The following MED27 variants were observed in gnomAD, a reference collection of about 807,000 sequenced individuals.
The protein encoded by MED27 is mediator complex subunit 27.
A neutral mutation model predicts 38.2 loss-of-function variants in MED27; 30 were observed. The ratio of observed to expected loss-of-function variants is 0.79; its 90% CI spans 0.59 to 1.07. MED27 has a LOEUF of 1.07. MED27 is among the 50% of genes least tolerant of loss of function. The pLI, the probability that MED27 is intolerant of heterozygous loss-of-function variation, is 0.00. For missense variants in MED27, 289 were observed against 397.5 expected (o/e 0.73, Z 2.32); for synonymous variants, 122 against 153.5 (o/e 0.79, Z 1.52).
chr9:131,875,055 C>T (rs750251470), intron 6 of MED27, among the ~76,000 whole-genome samples: 35 of 152,182 alleles, frequency 2.3e-4, no homozygotes, highest in East Asian at 1.4e-3. Flanking sequence ...AGGTGCCAGG[C>T]GCCCCAGCCA....
chr9:131,984,533 C>T (rs1300066281), intron 3 of MED27, among the ~76,000 whole-genome samples: 1 of 152,048 alleles, frequency 6.6e-6, no homozygotes, highest in Non-Finnish European at 1.5e-5. Flanking sequence ...CATAATACAC[C>T]CATAAGAGAA....
chr9:131,918,167 G>A (rs535692468), intron 4 of MED27, among the ~76,000 whole-genome samples: 2 of 152,326 alleles, frequency 1.3e-5, no homozygotes, highest in South Asian at 4.1e-4. Flanking sequence ...AAATGCAGTT[G>A]AAATTTGTGG....
intron 3 of MED27, among the ~76,000 whole-genome samples, chr9:131,955,681 G>A (rs1346763255): frequency 1.3e-5 from 2 of 152,178 alleles, no homozygotes; most frequent in Non-Finnish European, 2.9e-5. Flanking sequence ...TAACTGACAT[G>A]AGAAGAAATA....
intron 4 of MED27, among the ~76,000 whole-genome samples, chr9:131,910,164 A>G (rs1181647351): frequency 6.6e-6 from 1 of 152,180 alleles, no homozygotes; most frequent in Non-Finnish European, 1.5e-5. Context: ...GGCTCTAGGC[A>G]CTTCCTTCTC....
In MED27 at chr9:131,996,525, A is replaced by C. The variant is rs575981324; in HGVS notation, c.479+17812T>G. ...GCTCTCCCTCAGGAAGGGAGGCCCC[A>C]CTGGACTCCTGGAGGGGCAGCTCCT... is the stretch of plus-strand genomic sequence containing the variant. On this transcript the variant is annotated intron_variant, in intron 3 of 7. Transcript: ENST00000292035. Among the ~76,000 whole-genome samples the C allele has an allele frequency of 9.8e-5, 15 of 152,328 alleles. No homozygotes were observed. In the South Asian group the frequency reaches 3.1e-3, roughly 32 times the overall value.
intron 2 of MED27, among the ~76,000 whole-genome samples, chr9:132,069,855 C>T (rs1337353548): frequency 2.0e-5 from 3 of 152,138 alleles, no homozygotes; most frequent in African/African-American, 4.8e-5. Context: ...AGTGGAAGGC[C>T]GAGACTGAAC....
intron 4 of MED27, among the ~76,000 whole-genome samples, chr9:131,896,118 C>G (rs529767880): frequency 6.6e-6 from 1 of 152,172 alleles, no homozygotes; most frequent in Non-Finnish European, 1.5e-5. Flanking sequence ...CCAGGCTGAT[C>G]TCAAACTCCT....
intron 3 of MED27, among the ~76,000 whole-genome samples, chr9:131,941,988 GCTAA>G (rs1288492425): frequency 6.6e-6 from 1 of 151,822 alleles, no homozygotes; most frequent in Non-Finnish European, 1.5e-5. Context: ...ACCACGCCTG[GCTAA>G]CTTTTTGTAT....
At chr9:131,879,111 G>A (rs1328670920) in intron 6 of MED27, among the ~76,000 whole-genome samples, 1 of 152,254 alleles carries the variant, frequency 6.6e-6, no homozygotes, top group Non-Finnish European at 1.5e-5. Flanking sequence ...CCTGTGGTGG[G>A]ATTTGCTACA....
chr9:132,073,725 A>AAT, intron 2 of MED27: 6 of 1,520,660 alleles, frequency 3.9e-6, no homozygotes, highest in Non-Finnish European at 5.3e-6. Context: ...ATATTCTTGG[A>AAT]ATAGAAAGTT....
chr9:131,999,714 A>G (rs1178191272), intron 3 of MED27, among the ~76,000 whole-genome samples: 2 of 152,242 alleles, frequency 1.3e-5, no homozygotes, highest in Non-Finnish European at 2.9e-5. Flanking sequence ...TGCTTCAAAG[A>G]TAAGTTTTTC....
chr9:132,067,641 T>C (rs1370965626), intron 2 of MED27, among the ~76,000 whole-genome samples: 1 of 152,224 alleles, frequency 6.6e-6, no homozygotes, highest in Non-Finnish European at 1.5e-5. Context: ...TTTTCACGTA[T>C]GGACTCCAGT....
At chr9:131,928,986 A>G (rs746040569) in intron 4 of MED27, among the ~76,000 whole-genome samples, 1 of 152,198 alleles carries the variant, frequency 6.6e-6, no homozygotes, top group Non-Finnish European at 1.5e-5. Context: ...AGGACAGGAG[A>G]GCGAAGAGTA....
At position 131,872,571 on chromosome 9, in the gene MED27, G is replaced by A. The variant is rs958275983; in HGVS notation, c.724-9431C>T. On this transcript the variant is annotated intron_variant, in intron 6 of 7. Transcript: ENST00000292035. The surrounding 1 kb of genome is among the most constrained non-coding windows in gnomAD (Gnocchi z 5.6). Reference sequence around the variant, plus strand: ...ACAAAAAGGCAGACAGAGGGGAACCGTAAGGAGACCGGGGTTTGACCCTAG... The same window carrying A: ...ACAAAAAGGCAGACAGAGGGGAACCATAAGGAGACCGGGGTTTGACCCTAG... Among the ~76,000 whole-genome samples the A allele has an allele frequency of 2.6e-5, 4 of 151,274 alleles. No homozygotes were observed. The highest frequency in any genetic ancestry group is 5.9e-5 in the Non-Finnish European group (4 of 68,028).
At chr9:131,961,561 C>A (rs1415382591) in intron 3 of MED27, among the ~76,000 whole-genome samples, 1 of 152,202 alleles carries the variant, frequency 6.6e-6, no homozygotes, top group East Asian at 1.9e-4. Flanking sequence ...CCGCTGACAG[C>A]CCTGGGAAAT....
At chr9:131,890,006 T>C (rs1589188461) in intron 5 of MED27, among the ~76,000 whole-genome samples, 1 of 152,236 alleles carries the variant, frequency 6.6e-6, no homozygotes, top group East Asian at 1.9e-4. Context: ...CAAGGGCTCC[T>C]TCCAGACGCC....
intron 2 of MED27, among the ~76,000 whole-genome samples, chr9:132,040,293 A>C (rs1039210087): frequency 1.3e-5 from 2 of 152,218 alleles, no homozygotes; most frequent in African/African-American, 4.8e-5. Flanking sequence ...AAATGCCATC[A>C]CCTTTTTGCT....
At chr9:132,066,661 A>C (rs562075710) in intron 2 of MED27, among the ~76,000 whole-genome samples, 2 of 152,238 alleles carry the variant, frequency 1.3e-5, no homozygotes, top group South Asian at 4.1e-4. Context: ...CTCCCAAAAC[A>C]AGTAAGTGAC....
At chr9:131,972,111 T>G (rs535330510) in intron 3 of MED27, among the ~76,000 whole-genome samples, 5 of 152,354 alleles carry the variant, frequency 3.3e-5, no homozygotes, top group Non-Finnish European at 7.3e-5. Context: ...GGATTTGTTG[T>G]GATTAGAACA....
Sources: gnomAD v4.1 joint callset for allele counts (sites outside exome capture counted in the v4.1 genomes callset) on GRCh38, gnomAD v4.1.1 for gene constraint, Gnocchi (gnomAD v3.1) non-coding constraint, MANE v1.5 for transcripts, NCBI Gene and HGNC (gene_info 2026-07-23, HGNC 2026-07-21) for gene names.